Variants in PNPLA7 observed in about 807,000 individuals in gnomAD.
PNPLA7 encodes the protein patatin-like phospholipase domain-containing protein 7.
A neutral mutation model predicts 161.7 loss-of-function variants in PNPLA7; 153 were observed. The observed-to-expected ratio is 0.95, with a 90% confidence interval of 0.83 to 1.08. PNPLA7 has a LOEUF of 1.08. Ranked by LOEUF, PNPLA7 falls within the 50% of genes least tolerant of loss-of-function variation. The probability of loss-of-function intolerance (pLI) is 0.00; values close to 1 mark genes in which losing one functional copy is unlikely to be tolerated. For synonymous variants in PNPLA7, 809 were observed against 782.1 expected, an observed-to-expected ratio of 1.03 and a Z score of -0.57; for missense variants, 1,739 against 1,856.6, an observed-to-expected ratio of 0.94 and a Z score of 1.16.
Position 137,480,450 on chromosome 9 carries a change from C to T in PNPLA7, c.2442G>A (p.Leu814=), listed in dbSNP as rs1448851345. 1 of 1,612,208 alleles carries T rather than the reference C, an allele frequency of 6.2e-7. No individual in the cohort carries two copies. Among genetic ancestry groups the T allele is most frequent in the Non-Finnish European group, 8.5e-7 (1 of 1,179,150 alleles). ...TCCTGTGGGTGTCCTCCTGCTGCCCCAGCCAGCTGGACAGCCGGTACTCGT... is the reference window on the plus strand; with the variant it reads ...TCCTGTGGGTGTCCTCCTGCTGCCCTAGCCAGCTGGACAGCCGGTACTCGT... ...SVHEYRLSSW[L]GQQEDTHRIV... is the part of the protein sequence containing the mutation. The change falls in exon 23 of 35, where the codon CTG becomes CTA. Residue 814 remains leucine, a synonymous_variant. Coordinates refer to ENST00000406427, the MANE Select transcript of PNPLA7 (RefSeq NM_001098537.3).
intron 20 of PNPLA7, 145 bp downstream of exon 20, chr9:137,492,868 A>C (rs1169588745): frequency 1.6e-6 from 1 of 623,490 alleles, no homozygotes; most frequent in Non-Finnish European, 2.6e-6. Context: ...GCTTCATGAC[A>C]GGGAAGGGCC....
chr9:137,462,888 CG>C, intron 29 of PNPLA7, 55 bp from the exon 30 acceptor site: 2 of 1,599,600 alleles, frequency 1.3e-6, no homozygotes, highest in Admixed American at 1.7e-5. Flanking sequence ...AGCCAGGGGA[CG>C]GGGGCAGAGC....
intron 14 of PNPLA7, among the ~76,000 whole-genome samples, chr9:137,502,721 C>CG (rs1326317923): frequency 2.5e-4 from 3 of 12,154 alleles, no homozygotes; most frequent in African/African-American, 9.0e-4. Flanking sequence ...GCGGGGGACG[C>CG]GGGGGACGGG....
chr9:137,500,121 C>T lies in PNPLA7; in HGVS notation c.1757+570G>A, dbSNP rs893749626. 2.0e-5 allele frequency among the ~76,000 whole-genome samples: 3 copies of T among 152,224 alleles called. No homozygotes were observed. Among genetic ancestry groups the T allele is most frequent in the East Asian group, 1.9e-4 (1 of 5,198 alleles). ...CTGGAGGGGCCAAATCTGAGACTTA[C>T]GGGCTGGGGTCAAGTGGACAGATGT... On this transcript the variant is annotated intron_variant, in intron 16 of 34. Coordinates refer to ENST00000406427, the MANE Select transcript of PNPLA7 (RefSeq NM_001098537.3). The surrounding 1 kb of genome is among the most constrained non-coding windows in gnomAD (Gnocchi z 5.5).
rs1833353852 is a variant in PNPLA7, at chr9:137,500,743, T to C, written c.1705A>G (p.Lys569Glu). 3 of 1,612,416 alleles carry C rather than the reference T, an allele frequency of 1.9e-6. No homozygotes were observed. The highest frequency in any genetic ancestry group is 2.5e-6 in the Non-Finnish European group (3 of 1,179,870). The stretch of plus-strand genomic sequence containing the variant: ...AGGAAGCTGCAGTCCCTGTTGGCCT[T>C]GACGGTGAAGATGAGAGGCTCCCCG... ...LTGEPLIFTV[K>E]ANRDCSFLSI... The change falls in exon 16 of 35, where the codon AAG (lysine) becomes GAG (glutamate). Residue 569 changes from lysine (K) to glutamate (E), a missense_variant. Around this residue, in one of 6 missense-constraint regions of PNPLA7, gnomAD observed 481 missense variants for 450.0 expected, o/e 1.07. Transcript: ENST00000406427. This position sits in a 1 kb window ranked among gnomAD's most constrained non-coding sequence, Gnocchi z 5.5.
chr9:137,480,569 A>T (rs1363359600), intron 22 of PNPLA7, 89 bp from the exon 23 acceptor site: 3 of 1,418,080 alleles, frequency 2.1e-6, no homozygotes, highest in Non-Finnish European at 2.8e-6. Flanking sequence ...AGCAGAGGCC[A>T]GCACCAGCCG....
At chr9:137,498,375 G>A (rs1017811920) in intron 16 of PNPLA7, 130 bp from the exon 17 acceptor site, 96 of 1,386,056 alleles carry the variant, frequency 6.9e-5, no homozygotes, top group Non-Finnish European at 8.8e-5. Flanking sequence ...ACCACTGGCA[G>A]GGGCTGGGAC....
chr9:137,461,697 C>T (rs992107113), intron 32 of PNPLA7, 77 bp from the exon 33 acceptor site: 6 of 1,423,776 alleles, frequency 4.2e-6, no homozygotes, highest in Admixed American at 4.1e-5. Context: ...TGTGGGGAGG[C>T]CCCACCCACC....
At chr9:137,501,598 C>G in intron 15 of PNPLA7, 52 bp downstream of exon 15, 4 of 1,560,242 alleles carry the variant, frequency 2.6e-6, no homozygotes, top group Non-Finnish European at 3.5e-6. Flanking sequence ...CCACTTGGCA[C>G]TGGGCTATGG....
At chr9:137,469,530 C>T (rs1246417959) in intron 25 of PNPLA7, among the ~76,000 whole-genome samples, 2 of 152,110 alleles carry the variant, frequency 1.3e-5, no homozygotes, top group Non-Finnish European at 2.9e-5. Context: ...TTAAGCGAGC[C>T]TGAGAAAATA....
At chr9:137,495,416 G>A (rs899899990) in intron 18 of PNPLA7, among the ~76,000 whole-genome samples, 3 of 152,072 alleles carry the variant, frequency 2.0e-5, no homozygotes, top group East Asian at 1.9e-4. Context: ...CAGCTCTCCC[G>A]AAGAAATAAA....
intron 28 of PNPLA7, 30 bp from the exon 29 acceptor site, chr9:137,463,561 C>T (rs762037537): frequency 1.7e-5 from 25 of 1,509,344 alleles, no homozygotes; most frequent in Admixed American, 5.8e-5. Context: ...CTGCTGGTTA[C>T]CCGGAGGAGG....
At chr9:137,504,567 G>C (rs1833810431) in intron 14 of PNPLA7, among the ~76,000 whole-genome samples, 1 of 152,150 alleles carries the variant, frequency 6.6e-6, no homozygotes, top group South Asian at 2.1e-4. Context: ...CCCTTACTCA[G>C]ATCCTGATCT....
chr9:137,478,117 CG>C lies in PNPLA7; in HGVS notation c.2798del (p.Pro933ArgfsTer14). ...EMYKHVFQRP[P>X]DRHSDFSRLA... ...GGCGGGAGAAGTCTGAGTGTCGGTC[CG>C]GGGGCCGCTGGAAGACATGCTTGTA... On this transcript the variant is annotated frameshift_variant, in exon 25 of 35. Transcript: ENST00000406427. LOFTEE classifies it high-confidence loss of function. The C allele has an allele frequency of 1.3e-5, 18 of 1,350,824 alleles. No individual in the cohort carries two copies. Among genetic ancestry groups the C allele is most frequent in the South Asian group, 1.2e-4 (6 of 52,110 alleles). 83.7% of individuals were successfully genotyped at this position (1,350,824 alleles called of 1,614,324 possible).
Position 137,500,858 on chromosome 9 carries a change from G to A in PNPLA7, c.1590C>T (p.His530=), listed in dbSNP as rs758036628. 56 of 1,591,578 alleles carry A rather than the reference G, an allele frequency of 3.5e-5. No individual in the cohort carries two copies. The highest frequency in any genetic ancestry group is 7.2e-5 in the Admixed American group (4 of 55,816). The change falls in exon 16 of 35, where the codon CAC becomes CAT. Residue 530 remains histidine (H), a synonymous_variant. Transcript: ENST00000406427. The surrounding 1 kb of genome is among the most constrained non-coding windows in gnomAD (Gnocchi z 5.5). Reference sequence around the variant, plus strand: ...GGCTGCCGATCTTCCGCTGGTACACGTGCAGCAGCCCCGAGACCACGAACA... The same window carrying A: ...GGCTGCCGATCTTCCGCTGGTACACATGCAGCAGCCCCGAGACCACGAACA... The part of the protein sequence containing the change: ...SILFVVSGLL[H]VYQRKIGSQE...
At chr9:137,487,978 C>T (rs1470331722) in intron 20 of PNPLA7, among the ~76,000 whole-genome samples, 1 of 152,258 alleles carries the variant, frequency 6.6e-6, no homozygotes, top group Non-Finnish European at 1.5e-5. Flanking sequence ...TGATGTGTCT[C>T]CGCCTCTAGG....
intron 4 of PNPLA7, among the ~76,000 whole-genome samples, chr9:137,544,356 C>A (rs1049836837): frequency 1.3e-5 from 2 of 152,232 alleles, no homozygotes; most frequent in African/African-American, 4.8e-5. Flanking sequence ...CCACTGCCTG[C>A]TGCCCCTCGG....
chr9:137,472,941 C>G (rs1831776151), intron 25 of PNPLA7, among the ~76,000 whole-genome samples: 1 of 149,142 alleles, frequency 6.7e-6, no homozygotes, highest in Admixed American at 6.7e-5. Flanking sequence ...GGCGACAGAG[C>G]AAGACTCCGT....
chr9:137,507,762 A>G (rs1233739376), intron 12 of PNPLA7, among the ~76,000 whole-genome samples: 1 of 151,518 alleles, frequency 6.6e-6, no homozygotes, highest in Admixed American at 6.6e-5. Context: ...TAAATAAAAT[A>G]AAATACGGGG....
Sources: allele counts gnomAD v4.1 joint callset (sites outside exome capture counted in the v4.1 genomes callset), GRCh38; gene constraint gnomAD v4.1.1; regional missense constraint gnomAD v4.1.1; non-coding constraint Gnocchi (gnomAD v3.1); transcripts MANE v1.5; gene names NCBI Gene and HGNC (gene_info 2026-07-23, HGNC 2026-07-21).